AP4E1: variants seen among roughly 807,000 people sequenced by gnomAD.
AP4E1 encodes the protein AP-4 complex subunit epsilon-1.
AP4E1 carries 56 observed loss-of-function variants against 128.2 expected under a neutral mutation model. The ratio of observed to expected loss-of-function variants is 0.44; its 90% CI spans 0.35 to 0.55. The LOEUF is 0.55. AP4E1 is among the 20% of genes least tolerant of loss of function. The pLI, the probability that AP4E1 is intolerant of heterozygous loss-of-function variation, is 0.00. For missense variants in AP4E1, 1,324 were observed against 1,307.7 expected (o/e 1.01, Z -0.19); for synonymous variants, 484 against 473.1 (o/e 1.02, Z -0.30).
In AP4E1 at chr15:50,950,158, G is replaced by A; in HGVS notation, c.1537G>A (p.Val513Ile). 1 of 1,608,740 alleles carries A rather than the reference G, an allele frequency of 6.2e-7. No individual in the cohort carries two copies. The highest frequency in any genetic ancestry group is 8.5e-7 in the Non-Finnish European group (1 of 1,175,796). Residue 513 changes from valine (V) to isoleucine (I), a missense_variant, in exon 13 of 21, where the codon GTT becomes ATT. By Grantham distance (29) the Val-to-Ile change is conservative (BLOSUM62 3). Coordinates refer to ENST00000261842, the MANE Select transcript of AP4E1 (RefSeq NM_007347.5). Reference protein sequence around the residue: ...NVFYPQRFLQVMSWVLGEYSY... With the variant: ...NVFYPQRFLQIMSWVLGEYSY... ...GTTCTATCCACAGAGATTTCTTCAA[G>A]TTATGAGTTGGGTGAGCAAAGTACC...
intron 13 of AP4E1, among the ~76,000 whole-genome samples, chr15:50,953,735 A>C (rs2140870507): frequency 6.6e-6 from 1 of 152,332 alleles, no homozygotes; most frequent in Admixed American, 6.5e-5. Flanking sequence ...CCTTTAAGTG[A>C]AAAGGTGAAA....
At chr15:50,962,807 AAGAAAC>A (rs2064333547) in intron 14 of AP4E1, among the ~76,000 whole-genome samples, 1 of 151,058 alleles carries the variant, frequency 6.6e-6, no homozygotes, top group Non-Finnish European at 1.5e-5. Flanking sequence ...CAATAGAGTG[AAGAAAC>A]AATCTGTAGA....
chr15:50,969,794 G>A (rs557147860), intron 15 of AP4E1, among the ~76,000 whole-genome samples: 52 of 152,014 alleles, frequency 3.4e-4, no homozygotes, highest in Non-Finnish European at 7.2e-4. Context: ...GAGTAGCTGG[G>A]ACTACAAGCG....
intron 14 of AP4E1, among the ~76,000 whole-genome samples, chr15:50,961,766 A>C (rs899877778): frequency 2.6e-5 from 4 of 152,068 alleles, no homozygotes; most frequent in Non-Finnish European, 4.4e-5. Context: ...CAATCGGGCA[A>C]AAGAAAGAAA....
intron 15 of AP4E1, among the ~76,000 whole-genome samples, chr15:50,969,327 G>A (rs886936341): frequency 6.6e-6 from 1 of 152,124 alleles, no homozygotes; most frequent in Admixed American, 6.5e-5. Context: ...CCCTGCAAAA[G>A]ACATGATCTC....
At chr15:50,957,118 G>A (rs990043827) in intron 13 of AP4E1, among the ~76,000 whole-genome samples, 1 of 152,134 alleles carries the variant, frequency 6.6e-6, no homozygotes, top group African/African-American at 2.4e-5. Flanking sequence ...AGCTCAGTGG[G>A]CCCTTTTGTA....
chr15:50,973,758 A>T (rs1371048413), intron 15 of AP4E1, among the ~76,000 whole-genome samples: 2 of 152,152 alleles, frequency 1.3e-5, no homozygotes, highest in Admixed American at 6.5e-5. Flanking sequence ...CTTCGTTTTC[A>T]AAGTTTAATA....
chr15:50,941,764 A>T lies in AP4E1; in HGVS notation c.1165A>T (p.Ile389Phe). The change falls in exon 10 of 21, where the codon ATT (isoleucine) becomes TTT (phenylalanine). Residue 389 changes from isoleucine (I) to phenylalanine (F), a missense_variant. Transcript: ENST00000261842. ...ATGTTTAGATCATCCTGATCCCATT[A>T]TTAAAAGAGAGGTAAACTGGTATTT... ...IECLDHPDPI[I>F]KRETLELLYR... 6.2e-7 allele frequency: 1 copy of T among 1,608,046 alleles called. No individual in the cohort carries two copies. Among genetic ancestry groups the T allele is most frequent in the Non-Finnish European group, 8.5e-7 (1 of 1,174,690 alleles).
chr15:50,968,341 C>T lies in AP4E1; in HGVS notation c.1930C>T (p.His644Tyr). 6.2e-7 allele frequency: 1 copy of T among 1,613,454 alleles called. No individual in the cohort carries two copies. The highest frequency in any genetic ancestry group is 8.5e-7 in the Non-Finnish European group (1 of 1,179,710). Residue 644 changes from histidine (H) to tyrosine (Y), a missense_variant, in exon 15 of 21, where the codon CAT (histidine) becomes TAT (tyrosine). By Grantham distance (83) the His-to-Tyr change is moderately conservative. Transcript: ENST00000261842. ...GGGTGCAGCGCCTTACAAACCTCCC[C>T]ATCAACGCCAGGAGGAAAAGCTTTC... ...SQGAAPYKPP[H>Y]QRQEEKLSQE...
intron 15 of AP4E1, among the ~76,000 whole-genome samples, chr15:50,974,043 G>A (rs897324411): frequency 1.3e-5 from 2 of 152,162 alleles, no homozygotes; most frequent in Non-Finnish European, 2.9e-5. Context: ...TCAGCTCACT[G>A]CAACCTCTGC....
intron 5 of AP4E1, among the ~76,000 whole-genome samples, chr15:50,925,682 T>G (rs1596461751): frequency 6.8e-6 from 1 of 147,224 alleles, no homozygotes; most frequent in Admixed American, 7.0e-5. Flanking sequence ...CAGGCTGGAG[T>G]GCAATGGCAT....
intron 15 of AP4E1, among the ~76,000 whole-genome samples, chr15:50,971,642 A>C (rs1209036904): frequency 4.6e-5 from 7 of 151,492 alleles, no homozygotes; most frequent in Non-Finnish European, 8.8e-5. Flanking sequence ...TTTAAAAATT[A>C]TTTTTTCTTT....
At chr15:50,999,588 G>T (rs757129365) in intron 19 of AP4E1, among the ~76,000 whole-genome samples, 8 of 152,108 alleles carry the variant, frequency 5.3e-5, no homozygotes, top group Non-Finnish European at 8.8e-5. Flanking sequence ...TAACTCCGAA[G>T]ATTCTGCATG....
chr15:50,969,607 C>T (rs894343919), intron 15 of AP4E1, among the ~76,000 whole-genome samples: 11 of 151,604 alleles, frequency 7.3e-5, no homozygotes, highest in Non-Finnish European at 2.9e-5. Context: ...ATTAGCATAT[C>T]CATCATCTCA....
chr15:50,923,434 T>G (rs1303380989), intron 3 of AP4E1, among the ~76,000 whole-genome samples: 2 of 152,214 alleles, frequency 1.3e-5, no homozygotes, highest in African/African-American at 4.8e-5. Context: ...TGTGTGTGGC[T>G]TAATATATTT....
At chr15:50,968,050 C>A (rs1217644714) in intron 14 of AP4E1, among the ~76,000 whole-genome samples, 2 of 152,176 alleles carry the variant, frequency 1.3e-5, no homozygotes, top group Non-Finnish European at 1.5e-5. Flanking sequence ...AAACTCCTGG[C>A]CTCAAGTGAT....
At chr15:50,948,967 C>A (rs960518407) in intron 11 of AP4E1, among the ~76,000 whole-genome samples, 4 of 143,926 alleles carry the variant, frequency 2.8e-5, no homozygotes, top group African/African-American at 1.0e-4. Context: ...AGCGAAACTC[C>A]GTCTCAAAAA....
chr15:50,919,301 G>C lies in AP4E1; in HGVS notation c.346+3730G>C, dbSNP rs141959899. ...TAATCCCAGCACTTTGGGAGGCTGAGGTGGGCAGATCACTTGAGGTCAGGA... is the reference window on the plus strand; with the variant it reads ...TAATCCCAGCACTTTGGGAGGCTGACGTGGGCAGATCACTTGAGGTCAGGA... On this transcript the variant is annotated intron_variant, in intron 3 of 20. Transcript: ENST00000261842. Among the ~76,000 whole-genome samples the C allele has an allele frequency of 4.5e-3, 679 of 152,050 alleles. 5 individuals are homozygous for C. Among genetic ancestry groups the C allele is most frequent in the African/African-American group, 0.015 (635 of 41,474 alleles).
intron 16 of AP4E1, among the ~76,000 whole-genome samples, chr15:50,989,618 C>G (rs2064777183): frequency 6.6e-6 from 1 of 151,862 alleles, no homozygotes. Flanking sequence ...TTAAGTGTCC[C>G]AAACAGGGAC....
Sources: allele counts gnomAD v4.1 joint callset (sites outside exome capture counted in the v4.1 genomes callset), GRCh38; gene constraint gnomAD v4.1.1; transcripts MANE v1.5; gene names NCBI Gene and HGNC (gene_info 2026-07-23, HGNC 2026-07-21).